Variants in RBM20 observed in about 807,000 individuals in gnomAD.
RBM20 encodes the protein RNA-binding protein 20.
A neutral mutation model predicts 110.1 loss-of-function variants in RBM20; 51 were observed. That is an observed-to-expected ratio of 0.46 (90% CI 0.37 to 0.59). The LOEUF is 0.59. RBM20 is among the 20% of genes least tolerant of loss of function. The probability of loss-of-function intolerance (pLI) is 0.00; values close to 1 mark genes in which losing one functional copy is unlikely to be tolerated. For synonymous variants in RBM20, 589 were observed against 618.2 expected, an observed-to-expected ratio of 0.95 and a Z score of 0.70; for missense variants, 1,512 against 1,574.9, an observed-to-expected ratio of 0.96 and a Z score of 0.68.
chr10:110,761,333 T>C (rs1843999610), intron 1 of RBM20: 1 of 152,198 alleles, frequency 6.6e-6, no homozygotes, highest in Non-Finnish European at 1.5e-5. Flanking sequence ...TGTTCTCCAA[T>C]AGGATTTCTT....
Position 110,685,974 on chromosome 10 carries a change from C to A in RBM20, c.191+41329C>A, listed in dbSNP as rs554675638. 6.6e-5 allele frequency among the ~76,000 whole-genome samples: 10 copies of A among 152,292 alleles called. No individual in the cohort carries two copies. In the South Asian group the frequency reaches 2.1e-3, roughly 32 times the overall value. On this transcript the variant is annotated intron_variant, in intron 1 of 13. Transcript: ENST00000369519. The stretch of plus-strand genomic sequence containing the variant: ...AATCCTCACAGGTATTTAACGTAAG[C>A]CTGAGCGTATAGCTCGGATGGGGAT...
At position 110,838,198 on chromosome 10, in the gene RBM20, A is replaced by C. The variant is rs113475296; in HGVS notation, c.*2220A>C. On this transcript the variant is annotated 3_prime_UTR_variant, in exon 14 of 14. Transcript: ENST00000369519. ...CCTCCTCCGCTCAGCTCATGGGAAC[A>C]CTCATTCTATTTTATAGAATGACAT... The C allele has an allele frequency of 6.6e-6, 1 of 152,162 alleles. No homozygotes were observed. Among genetic ancestry groups the C allele is most frequent in the Admixed American group, 6.5e-5 (1 of 15,280 alleles). 9.4% of individuals were successfully genotyped at this position (152,162 alleles called of 1,614,324 possible).
intron 5 of RBM20, among the ~76,000 whole-genome samples, chr10:110,786,559 G>A (rs776294458): frequency 2.0e-5 from 3 of 152,216 alleles, no homozygotes; most frequent in African/African-American, 7.2e-5. Context: ...CCCACATTTT[G>A]GTGAAAGAGA....
In RBM20 at chr10:110,820,511, G is replaced by A. The variant is rs141542950; in HGVS notation, c.2655+335G>A. 3.2e-3 allele frequency among the ~76,000 whole-genome samples: 495 copies of A among 152,356 alleles called. 4 individuals carry two copies. The highest frequency in any genetic ancestry group is 7.1e-3 in the African/African-American group (297 of 41,572). ...ACAAGTCCCTTGGCGGGGATGGGGC[G>A]AGAAGCTGCTTTGGGCACTCAAGCT... On this transcript the variant is annotated intron_variant, in intron 10 of 13. Coordinates refer to ENST00000369519, the MANE Select transcript of RBM20 (RefSeq NM_001134363.3).
At chr10:110,725,903 G>A (rs1843555175) in intron 1 of RBM20, among the ~76,000 whole-genome samples, 1 of 152,240 alleles carries the variant, frequency 6.6e-6, no homozygotes, top group African/African-American at 2.4e-5. Flanking sequence ...TGTGCTGGGG[G>A]TGGAATCTGC....
chr10:110,724,230 A>G (rs748785654), intron 1 of RBM20, among the ~76,000 whole-genome samples: 8 of 152,160 alleles, frequency 5.3e-5, no homozygotes, highest in Admixed American at 2.6e-4. Context: ...GACCAAACAA[A>G]ACAAAACTGA....
chr10:110,728,461 A>G (rs1314659491), intron 1 of RBM20, among the ~76,000 whole-genome samples: 1 of 152,210 alleles, frequency 6.6e-6, no homozygotes, highest in African/African-American at 2.4e-5. Context: ...TTTACTAGAC[A>G]GGTAGACTTT....
chr10:110,745,138 A>G (rs1348815569), intron 1 of RBM20, among the ~76,000 whole-genome samples: 1 of 152,234 alleles, frequency 6.6e-6, no homozygotes, highest in East Asian at 1.9e-4. Flanking sequence ...GGCAAACCCA[A>G]ATGTGACTGC....
chr10:110,820,260 GA>G lies in RBM20; in HGVS notation c.2655+85del, dbSNP rs946147160. The G allele has an allele frequency of 4.5e-6, 4 of 886,330 alleles. No individual in the cohort carries two copies. In the African/African-American group the frequency reaches 6.6e-5, roughly 15 times the overall value. The allele number at this position is 886,330 out of a possible 1,614,324, so 54.9% of individuals were successfully genotyped here. ...CCTTTTGCCTGGTGATGTCCTGCTG[GA>G]TGGAATATGGCTGAGACCCCACCAT... On this transcript the variant is annotated intron_variant, in intron 10 of 13. Transcript: ENST00000369519.
intron 7 of RBM20, 34 bp downstream of exon 7, chr10:110,799,952 C>G (rs1844601637): frequency 1.3e-6 from 2 of 1,547,454 alleles, no homozygotes; most frequent in East Asian, 2.4e-5. Flanking sequence ...AGTCATTCAA[C>G]AAGCACCAGA....
At chr10:110,717,047 T>TA (rs1863030306) in intron 1 of RBM20, among the ~76,000 whole-genome samples, 1 of 152,244 alleles carries the variant, frequency 6.6e-6, no homozygotes, top group African/African-American at 2.4e-5. Flanking sequence ...GGTTTTTGCA[T>TA]AAAGAAATGT....
intron 1 of RBM20, chr10:110,761,109 AAAAAAAGAAAAG>A (rs1843994166): frequency 6.7e-6 from 1 of 149,618 alleles, no homozygotes. Context: ...AAAAAAAAAA[AAAAAAAGAAAAG>A]AGAAAAGAAA....
chr10:110,649,173 C>G (rs1861911602), intron 1 of RBM20, among the ~76,000 whole-genome samples: 1 of 152,122 alleles, frequency 6.6e-6, no homozygotes, highest in Non-Finnish European at 1.5e-5. Context: ...AAAAAACCAA[C>G]CAGGATTGAC....
At chr10:110,727,283 G>A (rs1396124114) in intron 1 of RBM20, among the ~76,000 whole-genome samples, 1 of 147,554 alleles carries the variant, frequency 6.8e-6, no homozygotes, top group Admixed American at 6.8e-5. Context: ...CAGTTTTTGG[G>A]TTTCTGATTC....
intron 1 of RBM20, among the ~76,000 whole-genome samples, chr10:110,655,287 T>TC (rs1862006017): frequency 6.7e-6 from 1 of 148,536 alleles, no homozygotes; most frequent in Non-Finnish European, 1.5e-5. Context: ...CCCTTTTTTT[T>TC]CCCCTTAAAA....
chr10:110,813,477 C>T lies in RBM20; in HGVS notation c.2550+530C>T, dbSNP rs527960381. On this transcript the variant is annotated intron_variant, in intron 9 of 13. Coordinates refer to ENST00000369519, the MANE Select transcript of RBM20 (RefSeq NM_001134363.3). ...GGAGAAGTGGTGAAGGAGAAGCCGT[C>T]ACCACCTGCTAAATTAAACTGGGTG... 2.6e-5 allele frequency among the ~76,000 whole-genome samples: 4 copies of T among 152,312 alleles called. No homozygotes were observed. In the South Asian group the frequency reaches 8.3e-4, roughly 32 times the overall value.
chr10:110,783,249 G>T, intron 2 of RBM20, 117 bp from the exon 3 acceptor site: 3 of 708,004 alleles, frequency 4.2e-6, no homozygotes. Flanking sequence ...TGTCTGCAGG[G>T]GTGGTCCAGC....
At position 110,812,730 on chromosome 10, in the gene RBM20, C is replaced by T. The variant is rs397516602; in HGVS notation, c.2333C>T (p.Ala778Val). 5.2e-5 allele frequency: 81 copies of T among 1,551,570 alleles called. No individual in the cohort carries two copies. Among genetic ancestry groups the T allele is most frequent in the Non-Finnish European group, 6.5e-5 (75 of 1,146,988 alleles). Residue 778 changes from alanine (A) to valine (V), a missense_variant, in exon 9 of 14, where the codon GCC becomes GTC. By Grantham distance (64) the Ala-to-Val change is moderately conservative (BLOSUM62 0). Around this residue, in one of 3 missense-constraint regions of RBM20, gnomAD observed 1,149 missense variants for 1,169.4 expected, o/e 0.98. Coordinates refer to ENST00000369519, the MANE Select transcript of RBM20 (RefSeq NM_001134363.3). ...AAGTATCTGAAGCAGCAGCAGGATG[C>T]CCCCGGGAGGTCCAGGAGGAAAGAC... ...SDKYLKQQQD[A>V]PGRSRRKDEA...
chr10:110,780,993 C>A lies in RBM20; in HGVS notation c.384C>A (p.Ala128=). Residue 128 remains alanine, a synonymous_variant, in exon 2 of 14, where the codon GCC becomes GCA. Coordinates refer to ENST00000369519, the MANE Select transcript of RBM20 (RefSeq NM_001134363.3). ...TVLNQVLSKV[A]MSQPLFNQLR... The stretch of plus-strand genomic sequence containing the variant: ...TGAACCAAGTCCTCTCCAAAGTGGC[C>A]ATGTCCCAGCCTCTCTTCAATCAAC... 1 of 1,551,772 alleles carries A rather than the reference C, an allele frequency of 6.4e-7. No individual in the cohort carries two copies.
Sources: gnomAD v4.1 joint callset for allele counts (sites outside exome capture counted in the v4.1 genomes callset) on GRCh38, gnomAD v4.1.1 for gene constraint, gnomAD v4.1.1 regional missense constraint, MANE v1.5 for transcripts, NCBI Gene and HGNC (gene_info 2026-07-23, HGNC 2026-07-21) for gene names.